The following MAP1LC3A variants were observed in gnomAD, a reference collection of about 807,000 sequenced individuals.
The protein encoded by MAP1LC3A is microtubule-associated protein 1 light chain 3 alpha.
MAP1LC3A carries 10 observed loss-of-function variants against 15.2 expected under a neutral mutation model. That is an observed-to-expected ratio of 0.66 (90% CI 0.41 to 1.12). The LOEUF is 1.12. MAP1LC3A is among the 50% of genes most tolerant of loss of function. The probability of loss-of-function intolerance (pLI) is 0.00; values close to 1 mark genes in which losing one functional copy is unlikely to be tolerated. For synonymous variants in MAP1LC3A, 63 were observed against 64.3 expected, an observed-to-expected ratio of 0.98 and a Z score of 0.10; for missense variants, 138 against 167.3, an observed-to-expected ratio of 0.82 and a Z score of 0.97.
chr20:34,558,335 C>T, upstream of MAP1LC3A: 7 of 986,758 alleles, frequency 7.1e-6, no homozygotes, highest in Non-Finnish European at 8.4e-6. The surrounding 1 kb of genome is among the most constrained non-coding windows in gnomAD (Gnocchi z 4.3). Context: ...CTTCTCTCGC[C>T]CTAAGCCCCG....
chr20:34,549,324 C>A (rs1013359232), intron 1 of MAP1LC3A, among the ~76,000 whole-genome samples: 1 of 152,232 alleles, frequency 6.6e-6, no homozygotes, highest in African/African-American at 2.4e-5. Context: ...CCATGGTCAG[C>A]CTTCACTTTG....
At chr20:34,558,684 T>G, upstream of MAP1LC3A, 1 of 1,254,932 alleles carries the variant, frequency 8.0e-7, no homozygotes, top group Admixed American at 4.3e-5. This position sits in a 1 kb window ranked among gnomAD's most constrained non-coding sequence, Gnocchi z 4.3. Context: ...CGCACTGGCC[T>G]CCCCTTTAAG....
chr20:34,558,714 C>A, upstream of MAP1LC3A: 1 of 1,288,750 alleles, frequency 7.8e-7, no homozygotes, highest in Non-Finnish European at 9.8e-7. The surrounding 1 kb of genome is among the most constrained non-coding windows in gnomAD (Gnocchi z 4.3). Flanking sequence ...GACCTGACGT[C>A]ACCGGGCGAG....
intron 2 of MAP1LC3A, among the ~76,000 whole-genome samples, chr20:34,552,337 A>G (rs1981978906): frequency 6.6e-6 from 1 of 152,248 alleles, no homozygotes; most frequent in African/African-American, 2.4e-5. Context: ...TGGGTGTAAG[A>G]GGGACCACTA....
chr20:34,558,685 C>A, upstream of MAP1LC3A: 1 of 1,257,374 alleles, frequency 8.0e-7, no homozygotes, highest in Non-Finnish European at 1.0e-6. The surrounding 1 kb of genome is among the most constrained non-coding windows in gnomAD (Gnocchi z 4.3). Flanking sequence ...GCACTGGCCT[C>A]CCCTTTAAGG....
chr20:34,550,386 G>A lies in MAP1LC3A; in HGVS notation c.52+357G>A, dbSNP rs561510721. ...GAGATAGACCTTCTAGATGGCAAAC[G>A]GCATGGAGAGATGACTGTGGGGGCC... is the stretch of plus-strand genomic sequence containing the variant. On this transcript the variant is annotated intron_variant, in intron 2 of 4. Transcript: ENST00000374837. Among the ~76,000 whole-genome samples the A allele has an allele frequency of 4.6e-5, 7 of 152,222 alleles. No homozygotes were observed. In the South Asian group the frequency reaches 8.3e-4, roughly 18 times the overall value.
rs766268527 is a variant in MAP1LC3A at position 34,559,722 on chromosome 20, C to A, written c.204-14C>A. 5.0e-6 allele frequency: 8 copies of A among 1,595,124 alleles called. No homozygotes were observed. Among genetic ancestry groups the A allele is most frequent in the Non-Finnish European group, 6.8e-6 (8 of 1,173,932 alleles). On this transcript the variant is annotated splice_polypyrimidine_tract_variant and intron_variant, in intron 3 of 3. Coordinates refer to ENST00000360668, the MANE Select transcript of MAP1LC3A (RefSeq NM_032514.4). ...CAAGCCCCTCACAGCTGCATACTCT[C>A]CCGCCGGCTGCAGGCGCCGCCTGCA... is the stretch of plus-strand genomic sequence containing the variant.
rs1982262323 is a variant in MAP1LC3A, at chr20:34,558,740, G to T, written c.-129G>T. On this transcript the variant is annotated 5_prime_UTR_variant, in exon 1 of 4. Coordinates refer to ENST00000360668, the MANE Select transcript of MAP1LC3A (RefSeq NM_032514.4). The surrounding 1 kb of genome is among the most constrained non-coding windows in gnomAD (Gnocchi z 4.3). The stretch of plus-strand genomic sequence containing the variant: ...ACCGGGCGAGTTACCTCCCGCAGCC[G>T]CAGCCGCCGTGCTCAGCGCGAGCCC... 1 of 1,307,480 alleles carries T rather than the reference G, an allele frequency of 7.6e-7. No homozygotes were observed. The highest frequency in any genetic ancestry group is 9.7e-7 in the Non-Finnish European group (1 of 1,032,634). The allele number at this position is 1,307,480 out of a possible 1,614,324, so 81.0% of individuals were successfully genotyped here. A position where few individuals can be genotyped will look rare whatever the true frequency, so the allele number is the denominator to read the frequency against.
In MAP1LC3A at chr20:34,558,854, A is replaced by G; in HGVS notation, c.-15A>G. 1.4e-6 allele frequency: 2 copies of G among 1,435,462 alleles called. No individual in the cohort carries two copies. The highest frequency in any genetic ancestry group is 1.8e-6 in the Non-Finnish European group (2 of 1,100,630). The allele number at this position is 1,435,462 out of a possible 1,614,324, so 88.9% of individuals were successfully genotyped here. On this transcript the variant is annotated 5_prime_UTR_variant, in exon 1 of 4. Coordinates refer to ENST00000360668, the MANE Select transcript of MAP1LC3A (RefSeq NM_032514.4). This position sits in a 1 kb window ranked among gnomAD's most constrained non-coding sequence, Gnocchi z 4.3. ...CCCCAGAGCCCCGGCCTGCGCGCCC[A>G]GCCGGGCCCGCGCGATGCCCTCAGA...
intron 2 of MAP1LC3A, 24 bp downstream of exon 2, chr20:34,559,287 G>GGCC: frequency 6.4e-6 from 10 of 1,563,986 alleles, no homozygotes; most frequent in African/African-American, 1.4e-5. Flanking sequence ...CCCCAGCCCT[G>GGCC]CCCCGCCCCC....
chr20:34,558,880 C>A lies in MAP1LC3A; in HGVS notation c.12C>A (p.Asp4Glu). The A allele has an allele frequency of 2.1e-6, 3 of 1,432,192 alleles. No individual in the cohort carries two copies. The highest frequency in any genetic ancestry group is 2.7e-6 in the Non-Finnish European group (3 of 1,098,178). 88.7% of individuals were successfully genotyped at this position (1,432,192 alleles called of 1,614,324 possible). ...GCCGGGCCCGCGCGATGCCCTCAGA[C>A]CGGCCTTTCAAGCAGCGGCGGAGCT... is the stretch of plus-strand genomic sequence containing the variant. MPS[D>E]RPFKQRRSFA... The change falls in exon 1 of 4, where the codon GAC becomes GAA. Residue 4 changes from aspartate to glutamate, a missense_variant. Coordinates refer to ENST00000360668, the MANE Select transcript of MAP1LC3A (RefSeq NM_032514.4). The surrounding 1 kb of genome is among the most constrained non-coding windows in gnomAD (Gnocchi z 4.3).
chr20:34,559,666 C>A, intron 3 of MAP1LC3A, 70 bp from the exon 4 acceptor site: 1 of 1,489,098 alleles, frequency 6.7e-7, no homozygotes, highest in Non-Finnish European at 9.1e-7. Flanking sequence ...GGGAATCATT[C>A]TGGGGGTCAG....
intron 1 of MAP1LC3A, among the ~76,000 whole-genome samples, chr20:34,548,413 G>A (rs902872099): frequency 8.5e-5 from 13 of 152,246 alleles, no homozygotes; most frequent in South Asian, 6.2e-4. Context: ...GTCACGGAGG[G>A]AGAAGGGTGG....
At chr20:34,555,149 T>C (rs1442975159), upstream of MAP1LC3A, among the ~76,000 whole-genome samples, 7 of 148,100 alleles carry the variant, frequency 4.7e-5, no homozygotes, top group Admixed American at 2.7e-4. Context: ...ATTTTCTTAT[T>C]TTTTTTTTTT....
chr20:34,552,234 G>A (rs1011566077), intron 2 of MAP1LC3A, among the ~76,000 whole-genome samples: 3 of 152,202 alleles, frequency 2.0e-5, no homozygotes, highest in African/African-American at 7.2e-5. Flanking sequence ...CTGACCTCAG[G>A]TGATCCACCT....
intron 1 of MAP1LC3A, 36 bp from the exon 2 acceptor site, chr20:34,559,172 C>T: frequency 6.5e-7 from 1 of 1,531,666 alleles, no homozygotes; most frequent in Non-Finnish European, 8.8e-7. Flanking sequence ...CCTGGGCCGG[C>T]CCGACCCGGC....
At position 34,559,236 on chromosome 20, in the gene MAP1LC3A, C is replaced by A; in HGVS notation, c.69C>A (p.Ile23=). 1 of 1,605,510 alleles carries A rather than the reference C, an allele frequency of 6.2e-7. No homozygotes were observed. The highest frequency in any genetic ancestry group is 2.3e-5 in the East Asian group (1 of 44,340). ...FADRCKEVQQ[I]RDQHPSKIPV... ...ACCGCTGTAAGGAGGTACAGCAGAT[C>A]CGCGACCAGCACCCCAGCAAAATCC... Residue 23 remains isoleucine, a synonymous_variant, in exon 2 of 4, where the codon ATC becomes ATA. Coordinates refer to ENST00000360668, the MANE Select transcript of MAP1LC3A (RefSeq NM_032514.4).
chr20:34,559,765 CCTT>C lies in MAP1LC3A; in HGVS notation c.238_240del (p.Phe80del). Reference sequence around the variant, plus strand: ...CGCCTGCAGCTGAACCCCACGCAGGCCTTCTTCCTGCTGGTGAACCAGCACAGC... The same window carrying C: ...CGCCTGCAGCTGAACCCCACGCAGGCCTTCCTGCTGGTGAACCAGCACAGC... On this transcript the variant is annotated inframe_deletion, in exon 4 of 4. Transcript: ENST00000360668. 1 of 1,612,394 alleles carries C rather than the reference CCTT, an allele frequency of 6.2e-7. No individual in the cohort carries two copies. The highest frequency in any genetic ancestry group is 8.5e-7 in the Non-Finnish European group (1 of 1,179,650).
At chr20:34,549,038 TTTG>T (rs1423169273) in intron 1 of MAP1LC3A, among the ~76,000 whole-genome samples, 1 of 149,842 alleles carries the variant, frequency 6.7e-6, no homozygotes, top group Non-Finnish European at 1.5e-5. Flanking sequence ...GTTTTTTGGT[TTTG>T]TTTTTGTTTT....
Sources: gnomAD v4.1 joint callset for allele counts (sites outside exome capture counted in the v4.1 genomes callset) on GRCh38, gnomAD v4.1.1 for gene constraint, Gnocchi (gnomAD v3.1) non-coding constraint, MANE v1.5 for transcripts, NCBI Gene and HGNC (gene_info 2026-07-23, HGNC 2026-07-21) for gene names.